Variants in MAP4 observed in about 807,000 individuals in gnomAD.
MAP4 encodes microtubule-associated protein 4.
A neutral mutation model predicts 170.2 loss-of-function variants in MAP4; 76 were observed. The ratio of observed to expected loss-of-function variants is 0.45; its 90% CI spans 0.37 to 0.54. The LOEUF is 0.54. Among genes scored for constraint, MAP4 ranks in the 20% least tolerant of loss-of-function variants. The pLI is 0.00. For synonymous variants in MAP4, 909 were observed against 994.5 expected, an observed-to-expected ratio of 0.91 and a Z score of 1.62; for missense variants, 2,506 against 2,748.0, an observed-to-expected ratio of 0.91 and a Z score of 1.97.
rs181705820 is a variant in MAP4, at chr3:47,895,279, T to C, written c.5434+7671A>G. ...CTTAATAGTTAAGAGTCTTAGAAAC[T>C]CATTTAACTGCTCTTAGCTTCAGTT... On this transcript the variant is annotated intron_variant, in intron 10 of 20. Coordinates refer to ENST00000683076, the MANE Select transcript of MAP4 (RefSeq NM_001385682.1). Among the ~76,000 whole-genome samples, 148 of 152,344 alleles carry C rather than the reference T, an allele frequency of 9.7e-4. 1 individual carries two copies. Among genetic ancestry groups the C allele is most frequent in the South Asian group, 3.1e-3 (15 of 4,826 alleles).
At chr3:47,860,494 G>C (rs1255319762) in intron 17 of MAP4, among the ~76,000 whole-genome samples, 1 of 152,200 alleles carries the variant, frequency 6.6e-6, no homozygotes, top group African/African-American at 2.4e-5. Flanking sequence ...GCATCGGCCA[G>C]GGCCACAGAT....
chr3:48,012,379 GC>G (rs2100105716), intron 1 of MAP4, among the ~76,000 whole-genome samples: 1 of 152,098 alleles, frequency 6.6e-6, no homozygotes, highest in Admixed American at 6.6e-5. Flanking sequence ...GAGCTAAGGA[GC>G]AAAAATCCTG....
At chr3:48,068,093 C>G (rs764325619) in intron 1 of MAP4, among the ~76,000 whole-genome samples, 1 of 151,564 alleles carries the variant, frequency 6.6e-6, no homozygotes, top group Non-Finnish European at 1.5e-5. Context: ...GGTGAAACCC[C>G]ATCTATACAA....
At chr3:48,046,476 T>A (rs1351065896) in intron 1 of MAP4, among the ~76,000 whole-genome samples, 2 of 152,182 alleles carry the variant, frequency 1.3e-5, no homozygotes, top group East Asian at 3.8e-4. Context: ...TCCCTGTATA[T>A]CACATCACAA....
chr3:47,911,862 A>G lies in MAP4; in HGVS notation c.2559T>C (p.Ser853=), dbSNP rs1010108824. The G allele has an allele frequency of 6.5e-7, 1 of 1,536,004 alleles. No homozygotes were observed. The highest frequency in any genetic ancestry group is 1.2e-5 in the South Asian group (1 of 84,058). The change falls in exon 9 of 21, where the codon AGT becomes AGC. Residue 853 remains serine (S), a synonymous_variant. Coordinates refer to ENST00000683076, the MANE Select transcript of MAP4 (RefSeq NM_001385682.1). This position sits in a 1 kb window ranked among gnomAD's most constrained non-coding sequence, Gnocchi z 4.0. ...RLVAENFVSE[S]LRIPLYPSEE... Reference sequence around the variant, plus strand: ...CAGAAGGATATAAAGGAATTCTGAGACTCTCTGAGACAAAGTTCTCAGCTA... The same window carrying G: ...CAGAAGGATATAAAGGAATTCTGAGGCTCTCTGAGACAAAGTTCTCAGCTA...
intron 1 of MAP4, among the ~76,000 whole-genome samples, chr3:48,053,377 C>T (rs2100128914): frequency 6.6e-6 from 1 of 152,072 alleles, no homozygotes; most frequent in South Asian, 2.1e-4. Context: ...AACAACACTG[C>T]TAGTATCTCC....
intron 3 of MAP4, among the ~76,000 whole-genome samples, chr3:47,929,894 C>G (rs1316073042): frequency 6.6e-6 from 1 of 152,028 alleles, no homozygotes; most frequent in Non-Finnish European, 1.5e-5. Context: ...TTTGGGAGGC[C>G]GAGGCAGGCG....
intron 1 of MAP4, among the ~76,000 whole-genome samples, chr3:48,072,680 G>T (rs1347862378): frequency 6.6e-6 from 1 of 152,150 alleles, no homozygotes; most frequent in East Asian, 1.9e-4. Context: ...AGGTATAGAA[G>T]AGCAGAGACA....
At position 47,891,648 on chromosome 3, in the gene MAP4, T is replaced by C. The variant is rs1179939042; in HGVS notation, c.5434+11302A>G. The C allele has an allele frequency of 2.6e-6, 4 of 1,536,156 alleles. No individual in the cohort carries two copies. In the Admixed American group the frequency reaches 7.8e-5, roughly 30 times the overall value. On this transcript the variant is annotated intron_variant, in intron 10 of 20. Coordinates refer to ENST00000683076, the MANE Select transcript of MAP4 (RefSeq NM_001385682.1). The stretch of plus-strand genomic sequence containing the variant: ...GCTTGGTTGAGCACAGCCTCCTCGG[T>C]AGAACTCAATTTCTCCAACTCCTTA...
At chr3:48,061,629 A>G (rs1293058063) in intron 1 of MAP4, among the ~76,000 whole-genome samples, 2 of 149,856 alleles carry the variant, frequency 1.3e-5, no homozygotes, top group African/African-American at 2.5e-5. Flanking sequence ...CTGGGAAGTG[A>G]GGAGCGTCTC....
chr3:48,082,815 A>G (rs1430447160), intron 1 of MAP4, among the ~76,000 whole-genome samples: 2 of 151,992 alleles, frequency 1.3e-5, no homozygotes, highest in Non-Finnish European at 2.9e-5. Flanking sequence ...AAAAAAAAAA[A>G]AAAAGTTAAT....
At chr3:48,044,490 C>G (rs374082685) in intron 1 of MAP4, among the ~76,000 whole-genome samples, 1 of 151,806 alleles carries the variant, frequency 6.6e-6, no homozygotes, top group Non-Finnish European at 1.5e-5. Context: ...TTGGGCCAGG[C>G]ACAGTGGCTC....
At chr3:47,861,352 T>G (rs981948189) in intron 17 of MAP4, among the ~76,000 whole-genome samples, 4 of 130,692 alleles carry the variant, frequency 3.1e-5, no homozygotes, top group African/African-American at 1.3e-4. Flanking sequence ...CGAGACTCCG[T>G]CTTTTTTTTT....
chr3:47,967,822 G>A (rs1245794816), intron 3 of MAP4, among the ~76,000 whole-genome samples: 1 of 152,114 alleles, frequency 6.6e-6, no homozygotes, highest in Non-Finnish European at 1.5e-5. Context: ...AATTAGCCAG[G>A]CATGGTGGTG....
At chr3:47,891,629 T>A in intron 10 of MAP4, 1 of 1,536,108 alleles carries the variant, frequency 6.5e-7, no homozygotes, top group Non-Finnish European at 8.7e-7. Flanking sequence ...GGGGGCTTGG[T>A]TGAGCACAGC....
chr3:47,911,966 T>C lies in MAP4; in HGVS notation c.2455A>G (p.Met819Val), dbSNP rs920609150. The change falls in exon 9 of 21, where the codon ATG (methionine) becomes GTG (valine). Residue 819 changes from methionine to valine, a missense_variant. Transcript: ENST00000683076. This position sits in a 1 kb window ranked among gnomAD's most constrained non-coding sequence, Gnocchi z 4.0. ...SGVLPSQPTT[M>V]GTEYGLVSGE... The stretch of plus-strand genomic sequence containing the variant: ...GATACAAGTCCATATTCTGTACCCA[T>C]AGTGGTAGGCTGGCTGGGGAGAACA... 3 of 1,536,122 alleles carry C rather than the reference T, an allele frequency of 2.0e-6. No homozygotes were observed. Among genetic ancestry groups the C allele is most frequent in the African/African-American group, 1.4e-5 (1 of 73,172 alleles).
intron 4 of MAP4, among the ~76,000 whole-genome samples, chr3:47,926,597 C>T (rs1030403754): frequency 6.6e-6 from 1 of 152,172 alleles, no homozygotes; most frequent in Non-Finnish European, 1.5e-5. Flanking sequence ...TACAGAAGCA[C>T]GATCCTAGGT....
intron 1 of MAP4, among the ~76,000 whole-genome samples, chr3:48,063,901 C>T (rs898822087): frequency 6.6e-6 from 1 of 152,084 alleles, no homozygotes; most frequent in African/African-American, 2.4e-5. Flanking sequence ...GAAACTATTC[C>T]ATATACATAT....
intron 1 of MAP4, among the ~76,000 whole-genome samples, chr3:48,058,946 A>C (rs865947075): frequency 3.3e-5 from 5 of 151,828 alleles, no homozygotes; most frequent in African/African-American, 1.2e-4. Context: ...CGCCCGGCTA[A>C]TTTTTGTATT....
Sources: gnomAD v4.1 joint callset for allele counts (sites outside exome capture counted in the v4.1 genomes callset) on GRCh38, gnomAD v4.1.1 for gene constraint, Gnocchi (gnomAD v3.1) non-coding constraint, MANE v1.5 for transcripts, NCBI Gene and HGNC (gene_info 2026-07-23, HGNC 2026-07-21) for gene names.